The following DGKB variants were observed in gnomAD, a reference collection of about 807,000 sequenced individuals.
The protein encoded by DGKB is diacylglycerol kinase beta.
DGKB carries 67 observed loss-of-function variants against 114.3 expected under a neutral mutation model. The ratio of observed to expected loss-of-function variants is 0.59; its 90% CI spans 0.48 to 0.72. The LOEUF is 0.72. Among genes scored for constraint, DGKB ranks in the 30% least tolerant of loss-of-function variants. The pLI is 0.00. For missense variants in DGKB, 907 were observed against 975.2 expected (o/e 0.93, Z 0.93); for synonymous variants, 398 against 323.1 (o/e 1.23, Z -2.49).
chr7:14,405,023 T>C (rs1175383803), intron 21 of DGKB, among the ~76,000 whole-genome samples: 1 of 151,832 alleles, frequency 6.6e-6, no homozygotes, highest in East Asian at 1.9e-4. Context: ...GATTTATATC[T>C]AAAATTTCAA....
intron 23 of DGKB, among the ~76,000 whole-genome samples, chr7:14,244,752 T>G (rs928364743): frequency 6.7e-6 from 1 of 149,622 alleles, no homozygotes; most frequent in African/African-American, 2.5e-5. Context: ...GGGTGACTGG[T>G]CCCTTTCCAG....
intron 13 of DGKB, among the ~76,000 whole-genome samples, chr7:14,652,515 A>T (rs996382936): frequency 5.3e-5 from 8 of 152,180 alleles, no homozygotes; most frequent in African/African-American, 1.7e-4. Context: ...TGGATTAAAG[A>T]CTTAAACGTT....
intron 13 of DGKB, among the ~76,000 whole-genome samples, chr7:14,653,914 C>T (rs1222992205): frequency 6.6e-6 from 1 of 151,826 alleles, no homozygotes; most frequent in African/African-American, 2.4e-5. Flanking sequence ...TATGACAAAC[C>T]CACAACTAAC....
At chr7:14,161,909 A>G (rs540434502) in intron 25 of DGKB, among the ~76,000 whole-genome samples, 2 of 152,246 alleles carry the variant, frequency 1.3e-5, no homozygotes, top group African/African-American at 4.8e-5. Flanking sequence ...AAAATAATAA[A>G]CTATGATATT....
At chr7:14,420,489 GTATC>G (rs1340913770) in intron 21 of DGKB, among the ~76,000 whole-genome samples, 3 of 152,010 alleles carry the variant, frequency 2.0e-5, no homozygotes, top group Non-Finnish European at 4.4e-5. Flanking sequence ...GTGGGGAGCA[GTATC>G]TATCCTATTT....
At chr7:14,669,970 G>T (rs966562485) in intron 13 of DGKB, among the ~76,000 whole-genome samples, 9 of 151,924 alleles carry the variant, frequency 5.9e-5, no homozygotes, top group Non-Finnish European at 1.3e-4. Context: ...CTTTTGTTTT[G>T]TATTATTGTG....
At chr7:14,528,140 A>C (rs1186008939) in intron 20 of DGKB, among the ~76,000 whole-genome samples, 9 of 152,116 alleles carry the variant, frequency 5.9e-5, no homozygotes, top group African/African-American at 2.2e-4. Flanking sequence ...GTTTTTATAC[A>C]TATTTTGTAT....
In DGKB at chr7:14,261,013, C is replaced by T. The variant is rs77352168; in HGVS notation, c.2122+77502G>A. 4.6e-3 allele frequency among the ~76,000 whole-genome samples: 693 copies of T among 152,128 alleles called. 5 individuals are homozygous for T. The highest frequency in any genetic ancestry group is 0.016 in the African/African-American group (667 of 41,528). On this transcript the variant is annotated intron_variant, in intron 23 of 25. Coordinates refer to ENST00000402815, the MANE Select transcript of DGKB (RefSeq NM_001350709.2). ...AAGTGTGTCTAGTAGCTCACTTGAT[C>T]AAATTAGCTGAATAAATGACAAACC...
At chr7:14,361,873 A>G (rs995534762) in intron 21 of DGKB, among the ~76,000 whole-genome samples, 1 of 152,002 alleles carries the variant, frequency 6.6e-6, no homozygotes, top group East Asian at 1.9e-4. Flanking sequence ...CCTATATTAA[A>G]ATACTAGCAA....
At chr7:14,202,106 A>T (rs10251211) in intron 23 of DGKB, among the ~76,000 whole-genome samples, 77,610 of 151,872 alleles carry the variant, frequency 0.51, 22,804 homozygotes, top group African/African-American at 0.82. Context: ...TGGATTATCT[A>T]TAATGTGATA....
chr7:14,561,363 A>G (rs1341129328), intron 20 of DGKB, among the ~76,000 whole-genome samples: 1 of 152,174 alleles, frequency 6.6e-6, no homozygotes, highest in East Asian at 1.9e-4. Context: ...AGTCTCAGGT[A>G]TGTCTTTATT....
At chr7:14,472,034 G>A (rs951902541) in intron 21 of DGKB, among the ~76,000 whole-genome samples, 7 of 152,136 alleles carry the variant, frequency 4.6e-5, no homozygotes, top group African/African-American at 1.4e-4. Flanking sequence ...TATTGTGATC[G>A]CTGGCCATAA....
At chr7:14,506,734 T>G in intron 20 of DGKB, among the ~76,000 whole-genome samples, 1 of 152,146 alleles carries the variant, frequency 6.6e-6, no homozygotes, top group Non-Finnish European at 1.5e-5. Context: ...GAGATATCAT[T>G]CCTTGGAATT....
chr7:14,961,491 G>T (rs1008299017), intron 1 of DGKB, among the ~76,000 whole-genome samples: 1 of 152,114 alleles, frequency 6.6e-6, no homozygotes, highest in Non-Finnish European at 1.5e-5. Flanking sequence ...GGCAGTCAGG[G>T]CCATGCCTAT....
At chr7:14,850,042 G>C (rs1849143106) in intron 1 of DGKB, among the ~76,000 whole-genome samples, 1 of 152,108 alleles carries the variant, frequency 6.6e-6, no homozygotes, top group African/African-American at 2.4e-5. Context: ...AAAGAATATG[G>C]TGTCAAAAAA....
intron 20 of DGKB, among the ~76,000 whole-genome samples, chr7:14,567,368 AT>A (rs1797660491): frequency 2.7e-5 from 1 of 37,328 alleles, no homozygotes; most frequent in Non-Finnish European, 4.3e-5. Context: ...TATTATATAT[AT>A]TATATATTTA....
intron 23 of DGKB, among the ~76,000 whole-genome samples, chr7:14,289,281 T>A (rs1387952889): frequency 6.6e-6 from 1 of 151,626 alleles, no homozygotes; most frequent in Non-Finnish European, 1.5e-5. Context: ...ACATTAGTAA[T>A]GAGACAAATA....
chr7:14,195,595 T>C (rs184467910), intron 23 of DGKB, among the ~76,000 whole-genome samples: 1 of 152,278 alleles, frequency 6.6e-6, no homozygotes, highest in East Asian at 1.9e-4. Context: ...ACTGTGAAAA[T>C]CAGTTATTTT....
chr7:14,225,267 A>G (rs1562667562), intron 23 of DGKB, among the ~76,000 whole-genome samples: 1 of 152,056 alleles, frequency 6.6e-6, no homozygotes, highest in Admixed American at 6.6e-5. Flanking sequence ...ACAATAGTAC[A>G]GTCTTTCTGC....
Sources: allele counts gnomAD v4.1 joint callset (sites outside exome capture counted in the v4.1 genomes callset), GRCh38; gene constraint gnomAD v4.1.1; transcripts MANE v1.5; gene names NCBI Gene and HGNC (gene_info 2026-07-23, HGNC 2026-07-21).